Variants in SLC4A4 observed in about 807,000 individuals in gnomAD.
SLC4A4 encodes solute carrier family 4 member 4.
Under a neutral mutation model 111.5 loss-of-function variants are expected in SLC4A4, and 27 were observed. The observed-to-expected ratio is 0.24, with a 90% CI of 0.18 to 0.33. The LOEUF (loss-of-function observed/expected upper bound fraction) is 0.33. SLC4A4 is among the 10% of genes least tolerant of loss of function. The pLI is 1.00. For synonymous variants in SLC4A4, 443 were observed against 463.4 expected (o/e 0.96, Z 0.57); for missense variants, 909 against 1,315.5 (o/e 0.69, Z 4.78).
chr4:71,202,929 A>T (rs1355835227), intron 1 of SLC4A4, among the ~76,000 whole-genome samples: 1 of 151,910 alleles, frequency 6.6e-6, no homozygotes, highest in Non-Finnish European at 1.5e-5. Context: ...TTCCATGGTT[A>T]CTTTTGTTAT....
intron 12 of SLC4A4, among the ~76,000 whole-genome samples, chr4:71,464,754 C>T (rs1727158316): frequency 1.3e-5 from 2 of 152,050 alleles, no homozygotes; most frequent in Admixed American, 1.3e-4. Context: ...TTGAATTCCA[C>T]CCTTAAAATA....
chr4:71,337,888 G>A (rs1167938007), intron 3 of SLC4A4, among the ~76,000 whole-genome samples: 1 of 151,888 alleles, frequency 6.6e-6, no homozygotes, highest in Non-Finnish European at 1.5e-5. Context: ...GGAGTGCAAT[G>A]GCATGATCTC....
chr4:71,223,178 C>CTT (rs1178320255), intron 1 of SLC4A4, among the ~76,000 whole-genome samples: 1 of 144,750 alleles, frequency 6.9e-6, no homozygotes, highest in Admixed American at 6.9e-5. Context: ...CACTGATACT[C>CTT]TTTTTTTTTT....
chr4:71,080,806 T>G (rs1741975334), intron 1 of SLC4A4, among the ~76,000 whole-genome samples: 1 of 152,056 alleles, frequency 6.6e-6, no homozygotes, highest in Non-Finnish European at 1.5e-5. Flanking sequence ...AACCTCATCT[T>G]TTATAGTTTC....
rs755248077 is a variant in SLC4A4 at position 71,388,833 on chromosome 4, G to T, written c.731-8744G>T. On this transcript the variant is annotated intron_variant, in intron 6 of 25. Coordinates refer to ENST00000264485, the MANE Select transcript of SLC4A4 (RefSeq NM_001098484.3). ...CCCAAAATGCTGGGATTACAGGCATGAGCCACCATGCCTGGCCTAACCTAC... is the reference window on the plus strand; with the variant it reads ...CCCAAAATGCTGGGATTACAGGCATTAGCCACCATGCCTGGCCTAACCTAC... Among the ~76,000 whole-genome samples the T allele has an allele frequency of 6.6e-5, 10 of 152,296 alleles. 1 individual carries two copies. In the South Asian group the frequency reaches 1.7e-3, roughly 25 times the overall value.
intron 7 of SLC4A4, among the ~76,000 whole-genome samples, chr4:71,398,824 TTG>T (rs1239765051): frequency 6.6e-6 from 1 of 152,220 alleles, no homozygotes; most frequent in Non-Finnish European, 1.5e-5. Flanking sequence ...TATCTGATCC[TTG>T]CTCTTTTAAC....
chr4:71,477,523 A>T (rs921487771), intron 14 of SLC4A4, among the ~76,000 whole-genome samples: 15 of 151,840 alleles, frequency 9.9e-5, no homozygotes, highest in Non-Finnish European at 2.1e-4. Flanking sequence ...TACAAAAAAA[A>T]GTTAAAGCTT....
chr4:71,257,577 C>T (rs1264105151), intron 3 of SLC4A4, among the ~76,000 whole-genome samples: 2 of 152,134 alleles, frequency 1.3e-5, no homozygotes, highest in African/African-American at 4.8e-5. Context: ...GGCTCTGGCA[C>T]CAACATGATG....
intron 3 of SLC4A4, among the ~76,000 whole-genome samples, chr4:71,272,903 A>C (rs1244359475): frequency 6.6e-6 from 1 of 152,216 alleles, no homozygotes; most frequent in Non-Finnish European, 1.5e-5. Context: ...AAATGCAGCC[A>C]AAATAATAAT....
chr4:71,084,711 A>T (rs1459193833), intron 1 of SLC4A4, among the ~76,000 whole-genome samples: 1 of 152,022 alleles, frequency 6.6e-6, no homozygotes, highest in Non-Finnish European at 1.5e-5. Flanking sequence ...AGCTTCATCC[A>T]TGTCCCTACA....
intron 3 of SLC4A4, among the ~76,000 whole-genome samples, chr4:71,318,878 A>G (rs1268654936): frequency 2.0e-5 from 3 of 149,896 alleles, no homozygotes; most frequent in Non-Finnish European, 4.4e-5. Context: ...TGTTATTTTG[A>G]CATGAGTTTT....
upstream of SLC4A4, among the ~76,000 whole-genome samples, chr4:71,185,896 T>A (rs1449595601): frequency 1.3e-5 from 2 of 148,442 alleles, no homozygotes; most frequent in Admixed American, 1.3e-4. Context: ...GTGGCTACTG[T>A]TGAAAACACA....
intron 16 of SLC4A4, among the ~76,000 whole-genome samples, chr4:71,508,104 T>C (rs955849181): frequency 9.2e-5 from 14 of 152,092 alleles, no homozygotes; most frequent in Non-Finnish European, 2.9e-5. Flanking sequence ...GAGGGAACTT[T>C]ATAGCACTAA....
In SLC4A4 at chr4:71,557,722, G is replaced by T; in HGVS notation, c.2774G>T (p.Arg925Leu). 1.2e-6 allele frequency: 2 copies of T among 1,612,616 alleles called. No individual in the cohort carries two copies. Among genetic ancestry groups the T allele is most frequent in the Non-Finnish European group, 1.7e-6 (2 of 1,179,150 alleles). Residue 925 changes from arginine to leucine, a missense_variant, in exon 22 of 26, where the codon CGT (arginine) becomes CTT (leucine). Physicochemically the swap from Arg to Leu is moderately radical, Grantham distance 102. This residue lies in a region of SLC4A4 where 104 missense variants were observed against 219.5 expected (regional missense o/e 0.47). Transcript: ENST00000264485. Reference protein sequence around the residue: ...ASLNGVQFMDRLKLLLMPLKH... With the variant: ...ASLNGVQFMDLLKLLLMPLKH... ...CTCTTTCCTCCCCAGTTCATGGATC[G>T]TCTGAAGCTGCTTCTGATGCCTCTG... is the stretch of plus-strand genomic sequence containing the variant.
chr4:71,074,634 AAGG>A (rs1466852867), intron 1 of SLC4A4, among the ~76,000 whole-genome samples: 5 of 152,016 alleles, frequency 3.3e-5, no homozygotes, highest in Admixed American at 6.6e-5. Flanking sequence ...AAAGGAGAAA[AAGG>A]AGAAGAGAAA....
intron 13 of SLC4A4, among the ~76,000 whole-genome samples, chr4:71,466,986 G>C (rs902120713): frequency 8.4e-6 from 1 of 118,530 alleles, no homozygotes; most frequent in Admixed American, 8.4e-5. Context: ...AGAGGTCTGA[G>C]TATGTCTGCC....
rs1722622760 is a variant in SLC4A4, at chr4:71,270,388, C to T, written c.253+14989C>T. ...TACAGGCATGAGCCACCGTGCCCGG[C>T]AGAACCTGTGACTTTTAACTCCAGC... On this transcript the variant is annotated intron_variant, in intron 3 of 25. Transcript: ENST00000264485. 3.9e-5 allele frequency among the ~76,000 whole-genome samples: 6 copies of T among 152,228 alleles called. No homozygotes were observed. The South Asian group carries it at 1.2e-3, about 31-fold the overall frequency.
Position 71,497,758 on chromosome 4 carries a change from CA to C in SLC4A4, c.2166+68del. The C allele has an allele frequency of 1.6e-5, 23 of 1,415,522 alleles. No homozygotes were observed. In the South Asian group the frequency reaches 2.3e-4, roughly 14 times the overall value. 87.7% of individuals were successfully genotyped at this position (1,415,522 alleles called of 1,614,324 possible). On this transcript the variant is annotated intron_variant, in intron 16 of 25. Coordinates refer to ENST00000264485, the MANE Select transcript of SLC4A4 (RefSeq NM_001098484.3). ...CTGTATCAACAATAATACAACTTTA[CA>C]AGGTGAAAAAGGCACCTGTAATTCA...
chr4:71,204,551 A>G (rs1032701486), intron 1 of SLC4A4, among the ~76,000 whole-genome samples: 1 of 152,154 alleles, frequency 6.6e-6, no homozygotes. Context: ...TCATTTTGCA[A>G]TACTATTTTT....
Sources: gnomAD v4.1 joint callset for allele counts (sites outside exome capture counted in the v4.1 genomes callset) on GRCh38, gnomAD v4.1.1 for gene constraint, gnomAD v4.1.1 regional missense constraint, MANE v1.5 for transcripts, NCBI Gene and HGNC (gene_info 2026-07-23, HGNC 2026-07-21) for gene names.